The following CHN2 variants were observed in gnomAD, a reference collection of about 807,000 sequenced individuals.
The protein encoded by CHN2 is beta-chimaerin.
In CHN2, 35 loss-of-function variants were observed where a neutral mutation model predicts 56.3. The observed-to-expected ratio is 0.62, with a 90% CI of 0.47 to 0.82. The LOEUF is 0.82. CHN2 is among the 40% of genes least tolerant of loss of function. CHN2 has a pLI of 0.00. For missense variants in CHN2, 491 were observed against 580.5 expected (o/e 0.85, Z 1.58); for synonymous variants, 210 against 212.8 (o/e 0.99, Z 0.12).
intron 2 of CHN2, among the ~76,000 whole-genome samples, chr7:29,188,983 C>T (rs1182711451): frequency 7.2e-6 from 1 of 139,630 alleles, no homozygotes; most frequent in African/African-American, 2.7e-5. Context: ...GAATCTCTTG[C>T]TCTGTCGCCC....
At chr7:29,422,751 T>C (rs944044611) in intron 6 of CHN2, among the ~76,000 whole-genome samples, 9 of 152,212 alleles carry the variant, frequency 5.9e-5, no homozygotes, top group South Asian at 2.1e-4. Flanking sequence ...TTCTTTTTCA[T>C]AGGACTTCTC....
At chr7:29,275,682 C>T (rs979687610) in intron 1 of CHN2, among the ~76,000 whole-genome samples, 1 of 152,026 alleles carries the variant, frequency 6.6e-6, no homozygotes, top group African/African-American at 2.4e-5. Flanking sequence ...ATTATTATTC[C>T]GGTTTTGCAG....
At chr7:29,296,795 C>G (rs1301933323) in intron 1 of CHN2, among the ~76,000 whole-genome samples, 1 of 152,196 alleles carries the variant, frequency 6.6e-6, no homozygotes, top group East Asian at 1.9e-4. Context: ...TAACTACAGC[C>G]AGATGTTTAA....
chr7:29,371,177 C>G (rs780153428), intron 3 of CHN2, among the ~76,000 whole-genome samples: 4 of 152,030 alleles, frequency 2.6e-5, no homozygotes, highest in Non-Finnish European at 5.9e-5. Context: ...AGGACAGAGT[C>G]GAAGTGATGA....
chr7:29,458,850 C>T (rs751279891), intron 6 of CHN2, among the ~76,000 whole-genome samples: 6 of 152,214 alleles, frequency 3.9e-5, no homozygotes, highest in Admixed American at 3.9e-4. Context: ...TTTGGCCTTT[C>T]CCTTTACCTA....
chr7:29,461,461 A>G (rs1156721613), intron 6 of CHN2, among the ~76,000 whole-genome samples: 2 of 152,236 alleles, frequency 1.3e-5, no homozygotes, highest in African/African-American at 4.8e-5. Context: ...ATACACATAC[A>G]AACTCAAAAT....
intron 6 of CHN2, among the ~76,000 whole-genome samples, chr7:29,416,264 CTG>C (rs1162681097): frequency 6.6e-6 from 1 of 152,204 alleles, no homozygotes; most frequent in Non-Finnish European, 1.5e-5. Flanking sequence ...AATATTATCT[CTG>C]TTGAATTTTA....
intron 1 of CHN2, among the ~76,000 whole-genome samples, chr7:29,337,757 G>A (rs928692237): frequency 6.6e-6 from 1 of 152,232 alleles, no homozygotes; most frequent in African/African-American, 2.4e-5. Flanking sequence ...TGTTTCGGCT[G>A]TTGGGTCCTT....
rs551896925 is a variant in CHN2 at position 29,202,777 on chromosome 7, C to T, written c.49+7787C>T. Among the ~76,000 whole-genome samples the T allele has an allele frequency of 5.9e-5, 9 of 152,298 alleles. No individual in the cohort carries two copies. In the South Asian group the frequency reaches 6.2e-4, roughly 11 times the overall value. ...TCCTTTTCAAGGAAGTGAAACCTAGCGCTTCCTTATTACTTCACATAATGC... is the reference window on the plus strand; with the variant it reads ...TCCTTTTCAAGGAAGTGAAACCTAGTGCTTCCTTATTACTTCACATAATGC... On this transcript the variant is annotated intron_variant, in intron 1 of 12. Transcript: ENST00000222792.
At chr7:29,452,869 T>C (rs1424625647) in intron 6 of CHN2, among the ~76,000 whole-genome samples, 1 of 152,252 alleles carries the variant, frequency 6.6e-6, no homozygotes, top group East Asian at 1.9e-4. Flanking sequence ...AGAAGCTCAG[T>C]TCTCATCCCG....
intron 6 of CHN2, among the ~76,000 whole-genome samples, chr7:29,442,081 T>C (rs956722424): frequency 7.2e-5 from 11 of 152,234 alleles, no homozygotes; most frequent in African/African-American, 2.4e-5. Context: ...ATACGTACAG[T>C]TGAATATTAT....
chr7:29,401,085 G>A (rs1055895861), intron 6 of CHN2: 6 of 422,380 alleles, frequency 1.4e-5, no homozygotes, highest in African/African-American at 2.0e-5. Context: ...TGGCTAACAC[G>A]GTGAAACCCC....
upstream of CHN2, chr7:29,193,339 ATGTT>A (rs1398648679): frequency 6.6e-6 from 1 of 152,040 alleles, no homozygotes; most frequent in Non-Finnish European, 1.5e-5. Flanking sequence ...TATTCACTGT[ATGTT>A]AGGTCCTTGG....
chr7:29,368,695 C>T (rs1799371502), intron 3 of CHN2, among the ~76,000 whole-genome samples: 1 of 152,158 alleles, frequency 6.6e-6, no homozygotes. Context: ...GGGGGAAAGG[C>T]TCCAATTCCA....
chr7:29,241,175 A>T (rs919181806), intron 1 of CHN2, among the ~76,000 whole-genome samples: 1 of 152,146 alleles, frequency 6.6e-6, no homozygotes, highest in African/African-American at 2.4e-5. Flanking sequence ...TGTGAGACAC[A>T]GTGCCTGGCC....
At chr7:29,198,028 T>G (rs1005400339) in intron 1 of CHN2, 4 of 456,210 alleles carry the variant, frequency 8.8e-6, no homozygotes, top group Non-Finnish European at 1.8e-5. Flanking sequence ...GGGAAAGTTA[T>G]GCTTACAGGC....
chr7:29,346,020 C>T (rs749547633), intron 1 of CHN2, among the ~76,000 whole-genome samples: 1 of 152,104 alleles, frequency 6.6e-6, no homozygotes, highest in Non-Finnish European at 1.5e-5. Flanking sequence ...CATCCCTTAC[C>T]CAAGCAGAGT....
At chr7:29,183,505 T>G (rs1432193521) in intron 2 of CHN2, among the ~76,000 whole-genome samples, 2 of 151,994 alleles carry the variant, frequency 1.3e-5, no homozygotes, top group East Asian at 3.9e-4. Context: ...GCCTCCCAAG[T>G]AGCTGGGTTT....
At chr7:29,150,134 G>C (rs1793388361) in intron 2 of CHN2, among the ~76,000 whole-genome samples, 1 of 152,158 alleles carries the variant, frequency 6.6e-6, no homozygotes, top group South Asian at 2.1e-4. Flanking sequence ...CTCTGCACCT[G>C]CATATTCTAG....
Sources: allele counts gnomAD v4.1 joint callset (sites outside exome capture counted in the v4.1 genomes callset), GRCh38; gene constraint gnomAD v4.1.1; transcripts MANE v1.5; gene names NCBI Gene and HGNC (gene_info 2026-07-23, HGNC 2026-07-21).